Variants in RAB38 observed in about 807,000 individuals in gnomAD.
The protein encoded by RAB38 is RAB38, member RAS oncogene family.
Under a neutral mutation model 18.4 loss-of-function variants are expected in RAB38, and 15 were observed. The ratio of observed to expected loss-of-function variants is 0.82; its 90% CI spans 0.55 to 1.26. The LOEUF (loss-of-function observed/expected upper bound fraction) is 1.26. Among genes scored for constraint, RAB38 ranks in the 50% most tolerant of loss-of-function variants. The pLI is 0.00. For synonymous variants in RAB38, 101 were observed against 104.4 expected, an observed-to-expected ratio of 0.97 and a Z score of 0.20; for missense variants, 294 against 267.4, an observed-to-expected ratio of 1.10 and a Z score of -0.69.
chr11:87,899,089 A>G, the RAB38 span, among the ~76,000 whole-genome samples: 1 of 151,658 alleles, frequency 6.6e-6, no homozygotes, highest in African/African-American at 2.4e-5. Context: ...AGAGCCCTCA[A>G]TAGTGGAATG....
At chr11:88,173,462 G>C in intron 1 of RAB38, 1 of 919,470 alleles carries the variant, frequency 1.1e-6, no homozygotes, top group Non-Finnish European at 1.3e-6. Context: ...GATGGAGGCA[G>C]TTCAACTCTG....
the RAB38 span, among the ~76,000 whole-genome samples, chr11:87,858,303 C>G: frequency 6.6e-6 from 1 of 152,050 alleles, no homozygotes. Flanking sequence ...CAGACCAGAA[C>G]CTTTGGACTC....
chr11:87,889,090 A>G, the RAB38 span, among the ~76,000 whole-genome samples: 2 of 151,972 alleles, frequency 1.3e-5, no homozygotes, highest in Non-Finnish European at 1.5e-5. Flanking sequence ...AAAGTTTGAA[A>G]ATATGAGTGT....
intron 1 of RAB38, among the ~76,000 whole-genome samples, chr11:88,171,217 G>A (rs1336015200): frequency 1.3e-5 from 2 of 152,278 alleles, no homozygotes; most frequent in East Asian, 3.9e-4. Flanking sequence ...ATACTAAGAT[G>A]CAGGTATTGT....
the RAB38 span, among the ~76,000 whole-genome samples, chr11:88,021,658 T>C: frequency 6.7e-6 from 1 of 149,184 alleles, no homozygotes; most frequent in Non-Finnish European, 1.5e-5. Flanking sequence ...TGGCACGATC[T>C]TGGCTCACTG....
intron 1 of RAB38, among the ~76,000 whole-genome samples, chr11:88,152,364 A>G (rs1943072407): frequency 6.6e-6 from 1 of 152,230 alleles, no homozygotes; most frequent in Non-Finnish European, 1.5e-5. Context: ...TTTTAAGACC[A>G]TACAAAAAGC....
chr11:87,970,393 A>G, the RAB38 span, among the ~76,000 whole-genome samples: 6 of 151,954 alleles, frequency 3.9e-5, no homozygotes, highest in Non-Finnish European at 7.4e-5. Context: ...TTTGTTCTTC[A>G]AGGAGTGTTT....
the RAB38 span, among the ~76,000 whole-genome samples, chr11:88,026,485 C>A: frequency 1.4e-4 from 21 of 147,632 alleles, no homozygotes; most frequent in Non-Finnish European, 2.5e-4. Flanking sequence ...ATGGTGTGAA[C>A]CCGGGAGGCG....
the RAB38 span, chr11:87,879,389 T>C: frequency 2.0e-5 from 3 of 150,962 alleles, no homozygotes; most frequent in Non-Finnish European, 4.4e-5. Context: ...GTGGGGAGAG[T>C]ATTCCAGTAA....
the RAB38 span, among the ~76,000 whole-genome samples, chr11:88,079,011 T>C: frequency 0.041 from 6,190 of 151,954 alleles, 161 homozygotes; most frequent in African/African-American, 0.075. Flanking sequence ...ACATCTATTA[T>C]GTATCAATTA....
the RAB38 span, among the ~76,000 whole-genome samples, chr11:87,925,353 T>C: frequency 1.3e-5 from 2 of 152,100 alleles, no homozygotes; most frequent in South Asian, 2.1e-4. Context: ...TACGAATATT[T>C]ACCAAGTAGC....
chr11:88,168,243 T>C (rs1053150114), intron 1 of RAB38, among the ~76,000 whole-genome samples: 1 of 152,200 alleles, frequency 6.6e-6, no homozygotes, highest in Non-Finnish European at 1.5e-5. Flanking sequence ...AATATTGCTT[T>C]GATAAATTGA....
chr11:87,940,885 G>C, the RAB38 span, among the ~76,000 whole-genome samples: 1 of 151,826 alleles, frequency 6.6e-6, no homozygotes. Context: ...TCCCTCCTCG[G>C]CCTCCCAAAG....
the RAB38 span, among the ~76,000 whole-genome samples, chr11:87,957,257 G>C: frequency 6.6e-6 from 1 of 152,032 alleles, no homozygotes; most frequent in Non-Finnish European, 1.5e-5. Context: ...GTAGACAATG[G>C]GATCATACAT....
the RAB38 span, among the ~76,000 whole-genome samples, chr11:87,933,701 T>C: frequency 6.7e-6 from 1 of 148,784 alleles, no homozygotes; most frequent in African/African-American, 2.5e-5. Context: ...TCAGTTTGCA[T>C]GGAGCCAAAA....
chr11:88,036,271 T>A, the RAB38 span, among the ~76,000 whole-genome samples: 12 of 152,136 alleles, frequency 7.9e-5, no homozygotes, highest in Non-Finnish European at 1.6e-4. Context: ...TTCAGTTATA[T>A]CTCTAAGGAT....
the RAB38 span, among the ~76,000 whole-genome samples, chr11:87,805,886 C>T: frequency 3.3e-5 from 5 of 152,056 alleles, no homozygotes; most frequent in Non-Finnish European, 7.4e-5. Flanking sequence ...TCTTAGGGAC[C>T]TCAGTCTTTT....
At chr11:88,115,834 G>A (rs1942543520) in intron 2 of RAB38, 1 of 152,122 alleles carries the variant, frequency 6.6e-6, no homozygotes, top group South Asian at 2.1e-4. Context: ...TCAATAGTAA[G>A]TAAGTAATCT....
chr11:87,948,803 T>C, the RAB38 span, among the ~76,000 whole-genome samples: 3 of 151,674 alleles, frequency 2.0e-5, no homozygotes, highest in East Asian at 5.8e-4. Flanking sequence ...CAGTATTTTA[T>C]TGAGGATTTT....
Sources: allele counts gnomAD v4.1 joint callset (sites outside exome capture counted in the v4.1 genomes callset), GRCh38; gene constraint gnomAD v4.1.1; transcripts MANE v1.5; gene names NCBI Gene and HGNC (gene_info 2026-07-23, HGNC 2026-07-21).